Variants in CARM1 observed in about 807,000 individuals in gnomAD.
CARM1 encodes the protein histone-arginine methyltransferase CARM1.
CARM1 carries 14 observed loss-of-function variants against 72.7 expected under a neutral mutation model. The ratio of observed to expected loss-of-function variants is 0.19; its 90% confidence interval spans 0.13 to 0.30. The LOEUF (loss-of-function observed/expected upper bound fraction) is 0.30, where lower values mean the gene tolerates loss of function less well. Ranked by LOEUF, CARM1 falls within the 10% of genes least tolerant of loss-of-function variation. The probability of loss-of-function intolerance (pLI) is 1.00; values close to 1 mark genes in which losing one functional copy is unlikely to be tolerated. For missense variants in CARM1, 432 were observed against 833.7 expected (o/e 0.52, Z 5.93); for synonymous variants, 333 against 345.5 (o/e 0.96, Z 0.40).
Position 10,900,199 on chromosome 19 carries a change from C to T in CARM1, c.221-4752C>T, listed in dbSNP as rs1055782929. Among the ~76,000 whole-genome samples the T allele has an allele frequency of 3.9e-5, 6 of 152,268 alleles. No homozygotes were observed. In the East Asian group the frequency reaches 1.2e-3, roughly 29 times the overall value. ...TGGTGGCATGTGCGTGAGGTTCCAG[C>T]TACCCGGGAGGCTGAGGTGGGAGGA... On this transcript the variant is annotated intron_variant, in intron 1 of 15. Coordinates refer to ENST00000327064, the MANE Select transcript of CARM1 (RefSeq NM_199141.2).
chr19:10,878,226 A>G (rs2073877557), intron 1 of CARM1, among the ~76,000 whole-genome samples: 1 of 152,230 alleles, frequency 6.6e-6, no homozygotes, highest in Admixed American at 6.5e-5. Flanking sequence ...CTAAAACCCA[A>G]TCCACAAACA....
intron 2 of CARM1, among the ~76,000 whole-genome samples, chr19:10,905,551 C>T (rs2074096968): frequency 6.6e-6 from 1 of 152,200 alleles, no homozygotes; most frequent in Non-Finnish European, 1.5e-5. Flanking sequence ...TGGATGCAGC[C>T]AGGGTAGCAG....
intron 1 of CARM1, among the ~76,000 whole-genome samples, chr19:10,878,621 C>T (rs935775540): frequency 6.6e-6 from 1 of 152,138 alleles, no homozygotes; most frequent in African/African-American, 2.4e-5. Context: ...TGGATGCCCA[C>T]CTTAAATGCA....
chr19:10,921,004 C>T (rs753585807), intron 13 of CARM1, 46 bp from the exon 14 acceptor site: 6 of 1,612,418 alleles, frequency 3.7e-6, no homozygotes, highest in East Asian at 2.2e-5. Flanking sequence ...CGCCGCAGGC[C>T]TGGCCCCTCT....
chr19:10,919,506 G>A lies in CARM1; in HGVS notation c.1021-89G>A, dbSNP rs576458047. 9.1e-5 allele frequency: 86 copies of A among 945,238 alleles called. 1 individual carries two copies. Among genetic ancestry groups the A allele is most frequent in the Admixed American group, 4.6e-4 (23 of 50,300 alleles). The allele number at this position is 945,238 out of a possible 1,614,324, so 58.6% of individuals were successfully genotyped here. A position where few individuals can be genotyped will look rare whatever the true frequency, so the allele number is the denominator to read the frequency against. ...GTTTTAGCTGCACAGCCTAGAAGCC[G>A]TGGGCAGACCTGGGGGAAGGGGCAG... On this transcript the variant is annotated intron_variant, in intron 8 of 15. Transcript: ENST00000327064.
chr19:10,916,619 T>G lies in CARM1; in HGVS notation c.939-77T>G. The stretch of plus-strand genomic sequence containing the variant: ...AGACTTGGGCTAGATGAGGGCTGAC[T>G]GGGAGAGAAGGCAGGGCTACCCCAC... On this transcript the variant is annotated intron_variant, in intron 7 of 15. Transcript: ENST00000327064. The surrounding 1 kb of genome is among the most constrained non-coding windows in gnomAD (Gnocchi z 4.4). 7.0e-7 allele frequency: 1 copy of G among 1,418,608 alleles called. No homozygotes were observed. Among genetic ancestry groups the G allele is most frequent in the East Asian group, 2.4e-5 (1 of 41,146 alleles). The allele number at this position is 1,418,608 out of a possible 1,614,324, so 87.9% of individuals were successfully genotyped here.
At chr19:10,909,259 T>C in intron 4 of CARM1, 52 bp downstream of exon 4, 1 of 1,167,074 alleles carries the variant, frequency 8.6e-7, no homozygotes, top group Non-Finnish European at 1.3e-6. Flanking sequence ...CGGTTTTTTT[T>C]TTCTTTGCTC....
chr19:10,875,615 G>A (rs566182526), intron 1 of CARM1, among the ~76,000 whole-genome samples: 9 of 152,052 alleles, frequency 5.9e-5, no homozygotes, highest in South Asian at 2.1e-4. Context: ...TAGTAGAGAC[G>A]GGGTTTCACC....
intron 2 of CARM1, among the ~76,000 whole-genome samples, chr19:10,906,745 G>A (rs922460389): frequency 2.0e-5 from 3 of 151,538 alleles, no homozygotes; most frequent in Non-Finnish European, 2.9e-5. Flanking sequence ...GATTACATGC[G>A]TGAGCAACCA....
At chr19:10,873,613 A>G (rs1212663984) in intron 1 of CARM1, among the ~76,000 whole-genome samples, 2 of 112,430 alleles carry the variant, frequency 1.8e-5, no homozygotes, top group Non-Finnish European at 3.9e-5. Context: ...TTTTAGAACA[A>G]TTTTAGTTTA....
intron 1 of CARM1, among the ~76,000 whole-genome samples, chr19:10,883,180 C>T (rs1452051733): frequency 6.6e-6 from 1 of 152,162 alleles, no homozygotes; most frequent in Non-Finnish European, 1.5e-5. Flanking sequence ...AGTTTCCTCC[C>T]ATTAAATGGA....
At chr19:10,919,000 GT>G (rs2074219556) in intron 8 of CARM1, 1 of 152,626 alleles carries the variant, frequency 6.6e-6, no homozygotes, top group Non-Finnish European at 1.5e-5. Context: ...CACTAGTGTT[GT>G]TGTTGTTTTT....
intron 1 of CARM1, among the ~76,000 whole-genome samples, chr19:10,875,358 C>G (rs1003905559): frequency 1.8e-4 from 27 of 151,756 alleles, no homozygotes; most frequent in Non-Finnish European, 3.5e-4. Flanking sequence ...GAGATGGAGT[C>G]TCGCCGTGTT....
chr19:10,871,961 T>A lies in CARM1; in HGVS notation c.220+39T>A. The A allele has an allele frequency of 8.6e-7, 1 of 1,167,944 alleles. No individual in the cohort carries two copies. Among genetic ancestry groups the A allele is most frequent in the Admixed American group, 4.6e-5 (1 of 21,536 alleles). 72.3% of individuals were successfully genotyped at this position (1,167,944 alleles called of 1,614,324 possible). A position where few individuals can be genotyped will look rare whatever the true frequency, so the allele number is the denominator to read the frequency against. On this transcript the variant is annotated intron_variant, in intron 1 of 15. Transcript: ENST00000327064. The surrounding 1 kb of genome is among the most constrained non-coding windows in gnomAD (Gnocchi z 5.6). ...CCCGGGGCAGGCGCAGGGCCGGGGC[T>A]GCTCACGAGGCCGGCCCGGGGCGGG...
chr19:10,919,770 G>C, intron 9 of CARM1, 90 bp downstream of exon 9: 2 of 1,503,426 alleles, frequency 1.3e-6, no homozygotes, highest in East Asian at 2.3e-5. Flanking sequence ...TGCCGTCCCA[G>C]GGCAGATGGT....
At position 10,904,951 on chromosome 19, in the gene CARM1, A is replaced by C. The variant is rs778938821; in HGVS notation, c.221A>C (p.His74Pro). The change falls in exon 2 of 16, where the codon CAT becomes CCT. Residue 74 changes from histidine (H) to proline (P), a missense_variant and splice_region_variant. Coordinates refer to ENST00000327064, the MANE Select transcript of CARM1 (RefSeq NM_199141.2). ...PDSAGIALYS[H>P]EDVCVFKCSV... ...CACGCCAGCCTGTCTTCTCTCGTAG[A>C]TGAAGATGTGTGTGTCTTTAAGTGC... 1 of 1,614,026 alleles carries C rather than the reference A, an allele frequency of 6.2e-7. No homozygotes were observed. The highest frequency in any genetic ancestry group is 8.5e-7 in the Non-Finnish European group (1 of 1,179,962).
At chr19:10,882,672 T>C (rs2073910915) in intron 1 of CARM1, among the ~76,000 whole-genome samples, 1 of 151,562 alleles carries the variant, frequency 6.6e-6, no homozygotes, top group African/African-American at 2.4e-5. Flanking sequence ...CTCCTGAGTC[T>C]CTGGGACTAT....
chr19:10,922,620 G>A lies in CARM1; in HGVS notation c.*863G>A, dbSNP rs1599716078. On this transcript the variant is annotated 3_prime_UTR_variant, in exon 16 of 16. Coordinates refer to ENST00000327064, the MANE Select transcript of CARM1 (RefSeq NM_199141.2). ...TTGTAGCTAACGTTAGGCCTGAGTAGCTCCCCTCCATCCTTGTAGACGCTC... is the reference window on the plus strand; with the variant it reads ...TTGTAGCTAACGTTAGGCCTGAGTAACTCCCCTCCATCCTTGTAGACGCTC... 1 of 152,234 alleles carries A rather than the reference G, an allele frequency of 6.6e-6. No individual in the cohort carries two copies. Among genetic ancestry groups the A allele is most frequent in the Non-Finnish European group, 1.5e-5 (1 of 68,086 alleles). 9.4% of individuals were successfully genotyped at this position (152,234 alleles called of 1,614,324 possible).
chr19:10,884,866 G>A (rs2073929203), intron 1 of CARM1, among the ~76,000 whole-genome samples: 1 of 152,128 alleles, frequency 6.6e-6, no homozygotes, highest in Non-Finnish European at 1.5e-5. Context: ...CACCACGCCT[G>A]CCTAATTTTT....
Sources: gnomAD v4.1 joint callset for allele counts (sites outside exome capture counted in the v4.1 genomes callset) on GRCh38, gnomAD v4.1.1 for gene constraint, Gnocchi (gnomAD v3.1) non-coding constraint, MANE v1.5 for transcripts, NCBI Gene and HGNC (gene_info 2026-07-23, HGNC 2026-07-21) for gene names.